The following PDE4D variants were observed in gnomAD, a reference collection of about 807,000 sequenced individuals.
PDE4D encodes phosphodiesterase 4D, also known as 3',5'-cyclic-AMP phosphodiesterase 4D.
Under a neutral mutation model 87.4 loss-of-function variants are expected in PDE4D, and 24 were observed. That is an observed-to-expected ratio of 0.27 (90% CI 0.20 to 0.39). The LOEUF (loss-of-function observed/expected upper bound fraction) is 0.39, where lower values mean the gene tolerates loss of function less well. Among genes scored for constraint, PDE4D ranks in the 10% least tolerant of loss-of-function variants. The probability of loss-of-function intolerance (pLI) is 1.00; values close to 1 mark genes in which losing one functional copy is unlikely to be tolerated. For synonymous variants in PDE4D, 384 were observed against 383.2 expected (o/e 1.00, Z -0.02); for missense variants, 714 against 1,041.0 (o/e 0.69, Z 4.32).
intron 1 of PDE4D, among the ~76,000 whole-genome samples, chr5:59,577,883 T>C (rs1327506592): frequency 6.6e-6 from 1 of 152,170 alleles, no homozygotes; most frequent in Non-Finnish European, 1.5e-5. Flanking sequence ...CTCCTATTTA[T>C]CTTGGAGACA....
chr5:59,045,556 CAAAAAAAAAA>C (rs36051277), intron 5 of PDE4D, among the ~76,000 whole-genome samples: 1 of 70,980 alleles, frequency 1.4e-5, no homozygotes, highest in Non-Finnish European at 2.7e-5. Flanking sequence ...AACTCTGTCT[CAAAAAAAAAA>C]AAAAAAAAAA....
intron 2 of PDE4D, among the ~76,000 whole-genome samples, chr5:59,988,920 C>G (rs1762721597): frequency 6.6e-6 from 1 of 151,748 alleles, no homozygotes; most frequent in Non-Finnish European, 1.5e-5. Flanking sequence ...ATTTGTTCAC[C>G]AGGTGTGGCT....
chr5:60,436,640 C>G (rs1744779031), intron 1 of PDE4D, among the ~76,000 whole-genome samples: 1 of 152,030 alleles, frequency 6.6e-6, no homozygotes, highest in Admixed American at 6.6e-5. Flanking sequence ...TATGATTGCC[C>G]ACTGCCTAAG....
rs531039822 is a variant in PDE4D, at chr5:59,102,003, A to C, written c.809-63032T>G. Among the ~76,000 whole-genome samples, 4 of 151,946 alleles carry C rather than the reference A, an allele frequency of 2.6e-5. No homozygotes were observed. The South Asian group carries it at 8.3e-4, about 32-fold the overall frequency. ...GAGTTGAGCTACACACATACAACAT[A>C]ATCCAGGGGAGACTGCCCCAAACTG... On this transcript the variant is annotated intron_variant, in intron 5 of 14. Transcript: ENST00000340635.
In PDE4D at chr5:59,649,905, C is replaced by CTTTTTTTTTTTTTTTTTT. The variant is rs1156467369; in HGVS notation, c.455+243245_455+243262dup. ...GTTAAAATGTTGATAGTTTGTGAAC[C>CTTTTTTTTTTTTTTTTTT]TTTTTTTTTTTTTTTTTTTTTTTTT... On this transcript the variant is annotated intron_variant, in intron 1 of 14. Coordinates refer to ENST00000340635, the MANE Select transcript of PDE4D (RefSeq NM_001104631.2). 2.0e-3 allele frequency among the ~76,000 whole-genome samples: 146 copies of CTTTTTTTTTTTTTTTTTT among 72,436 alleles called. 5 individuals carry two copies. Among genetic ancestry groups the CTTTTTTTTTTTTTTTTTT allele is most frequent in the Non-Finnish European group, 2.5e-3 (107 of 42,168 alleles). The allele number at this position is 72,436 out of a possible 152,430, so 47.5% of individuals were successfully genotyped here.
chr5:60,128,281 T>A (rs1779284176), intron 2 of PDE4D, among the ~76,000 whole-genome samples: 1 of 152,178 alleles, frequency 6.6e-6, no homozygotes. Flanking sequence ...ACACATTTGT[T>A]TTAAGGATTA....
At chr5:60,053,934 A>T (rs548605514) in intron 2 of PDE4D, among the ~76,000 whole-genome samples, 1 of 152,324 alleles carries the variant, frequency 6.6e-6, no homozygotes, top group African/African-American at 2.4e-5. Flanking sequence ...CATATAAACA[A>T]AGCTCATTAC....
intron 2 of PDE4D, among the ~76,000 whole-genome samples, chr5:60,081,723 G>A (rs1773973419): frequency 1.3e-5 from 2 of 151,692 alleles, no homozygotes; most frequent in South Asian, 4.1e-4. Context: ...TCTTAATCCT[G>A]AGTTTTCTCT....
intron 2 of PDE4D, among the ~76,000 whole-genome samples, chr5:60,026,893 A>G (rs1264222999): frequency 3.3e-5 from 5 of 152,062 alleles, no homozygotes; most frequent in Non-Finnish European, 4.4e-5. Context: ...TTTTTTCTCC[A>G]TACTAATGAG....
intron 5 of PDE4D, among the ~76,000 whole-genome samples, chr5:59,087,617 C>T (rs1340681744): frequency 6.6e-6 from 1 of 152,058 alleles, no homozygotes; most frequent in African/African-American, 2.4e-5. Flanking sequence ...TCAAGTGATG[C>T]CCCCATGCTT....
chr5:60,395,175 C>T (rs1014830799), intron 1 of PDE4D, among the ~76,000 whole-genome samples: 7 of 152,162 alleles, frequency 4.6e-5, no homozygotes, highest in African/African-American at 1.4e-4. Context: ...AACCACCCCC[C>T]TCCACCACTG....
At chr5:59,509,733 T>C (rs1460153255) in intron 1 of PDE4D, among the ~76,000 whole-genome samples, 5 of 150,234 alleles carry the variant, frequency 3.3e-5, no homozygotes, top group Non-Finnish European at 5.9e-5. Flanking sequence ...ATCACTTTGA[T>C]CTAAAATAAT....
At chr5:60,204,999 T>A (rs574252246) in intron 1 of PDE4D, among the ~76,000 whole-genome samples, 1 of 152,336 alleles carries the variant, frequency 6.6e-6, no homozygotes, top group Admixed American at 6.5e-5. Context: ...ATTATTATTA[T>A]CTGTGGGGAT....
chr5:60,413,401 A>T (rs989904689), intron 1 of PDE4D, among the ~76,000 whole-genome samples: 13 of 152,180 alleles, frequency 8.5e-5, no homozygotes, highest in African/African-American at 2.9e-4. Flanking sequence ...TTGGTCCCAA[A>T]GGTACTCACA....
chr5:59,684,685 C>T (rs149700740), intron 1 of PDE4D, among the ~76,000 whole-genome samples: 2 of 152,256 alleles, frequency 1.3e-5, no homozygotes, highest in Non-Finnish European at 1.5e-5. Flanking sequence ...AGCAAAGGGC[C>T]CCAACTGATG....
intron 2 of PDE4D, among the ~76,000 whole-genome samples, chr5:60,013,791 C>T (rs1408352008): frequency 2.0e-5 from 3 of 152,082 alleles, no homozygotes; most frequent in African/African-American, 7.2e-5. Flanking sequence ...CAAGCAAATG[C>T]TAGATAAGTG....
intron 1 of PDE4D, among the ~76,000 whole-genome samples, chr5:60,300,796 G>A (rs1753824412): frequency 6.6e-6 from 1 of 150,962 alleles, no homozygotes; most frequent in Non-Finnish European, 1.5e-5. Context: ...TTTTTGAGAT[G>A]GAGTCTCACT....
At chr5:59,263,872 G>A (rs1027848499) in intron 1 of PDE4D, among the ~76,000 whole-genome samples, 10 of 151,922 alleles carry the variant, frequency 6.6e-5, no homozygotes, top group Admixed American at 6.6e-5. Flanking sequence ...TTGGCTGCTG[G>A]TACTATTTTT....
chr5:60,305,068 C>T (rs1432998586), intron 1 of PDE4D, among the ~76,000 whole-genome samples: 1 of 148,026 alleles, frequency 6.8e-6, no homozygotes, highest in Non-Finnish European at 1.5e-5. Flanking sequence ...CACACACACA[C>T]ACAACACACA....
Sources: allele counts gnomAD v4.1 joint callset (sites outside exome capture counted in the v4.1 genomes callset), GRCh38; gene constraint gnomAD v4.1.1; transcripts MANE v1.5; gene names NCBI Gene and HGNC (gene_info 2026-07-23, HGNC 2026-07-21).